Variants in NAV2 observed in about 807,000 individuals in gnomAD.
NAV2 encodes the protein neuron navigator 2.
NAV2 carries 54 observed loss-of-function variants against 223.2 expected under a neutral mutation model. The observed-to-expected ratio is 0.24, with a 90% CI of 0.19 to 0.30. The LOEUF is 0.30. Among genes scored for constraint, NAV2 ranks in the 10% least tolerant of loss-of-function variants. The pLI, the probability that NAV2 is intolerant of heterozygous loss-of-function variation, is 1.00. For missense variants in NAV2, 2,806 were observed against 3,147.5 expected (o/e 0.89, Z 2.60); for synonymous variants, 1,279 against 1,239.3 (o/e 1.03, Z -0.67).
At chr11:19,547,683 G>A (rs564450531) in intron 1 of NAV2, among the ~76,000 whole-genome samples, 2 of 152,196 alleles carry the variant, frequency 1.3e-5, no homozygotes, top group African/African-American at 4.8e-5. Flanking sequence ...TGAGAGCCCG[G>A]GGGACAAGTA....
chr11:19,750,069 C>T lies in NAV2; in HGVS notation c.267+36107C>T, dbSNP rs61349059. ...GCTTTGCAAAGTCAGTTCTCAATTC[C>T]ATAAAGTTCGGCATTACTTGATTTC... On this transcript the variant is annotated intron_variant, in intron 1 of 37. Transcript: ENST00000349880. Among the ~76,000 whole-genome samples, 543 of 152,328 alleles carry T rather than the reference C, an allele frequency of 3.6e-3. 6 individuals are homozygous for T. Among genetic ancestry groups the T allele is most frequent in the African/African-American group, 0.012 (506 of 41,572 alleles).
intron 5 of NAV2, among the ~76,000 whole-genome samples, chr11:19,888,338 A>G (rs1000690931): frequency 6.6e-6 from 1 of 152,134 alleles, no homozygotes; most frequent in African/African-American, 2.4e-5. Context: ...TCAGTGAGGC[A>G]GGCCCAGTAG....
chr11:19,521,178 A>T (rs2043642461), intron 1 of NAV2, among the ~76,000 whole-genome samples: 1 of 151,946 alleles, frequency 6.6e-6, no homozygotes, highest in African/African-American at 2.4e-5. Flanking sequence ...CACTTGGGTC[A>T]TTCATAGTGG....
intron 1 of NAV2, among the ~76,000 whole-genome samples, chr11:19,724,788 C>T (rs1412606307): frequency 6.6e-6 from 1 of 152,210 alleles, no homozygotes; most frequent in Non-Finnish European, 1.5e-5. Context: ...AATTTCAAGT[C>T]CATGTTCTTT....
At chr11:19,697,604 G>A (rs778094474) in intron 1 of NAV2, among the ~76,000 whole-genome samples, 17 of 152,048 alleles carry the variant, frequency 1.1e-4, no homozygotes, top group Non-Finnish European at 1.9e-4. Context: ...AAAAACTAGG[G>A]AGGGAGGCAA....
At chr11:20,031,712 T>C (rs1189436589) in intron 11 of NAV2, among the ~76,000 whole-genome samples, 1 of 150,226 alleles carries the variant, frequency 6.7e-6, no homozygotes, top group Non-Finnish European at 1.5e-5. Flanking sequence ...TAGGCTCTAT[T>C]GCATTTTTCT....
At chr11:19,490,536 C>T (rs1056943595) in intron 1 of NAV2, among the ~76,000 whole-genome samples, 1 of 152,214 alleles carries the variant, frequency 6.6e-6, no homozygotes, top group African/African-American at 2.4e-5. Flanking sequence ...AGCAACTTCT[C>T]ATTCATTTAA....
At chr11:19,499,524 G>A (rs1242768990) in intron 1 of NAV2, among the ~76,000 whole-genome samples, 1 of 152,172 alleles carries the variant, frequency 6.6e-6, no homozygotes, top group Non-Finnish European at 1.5e-5. Context: ...AGTCAGTGAA[G>A]GAATGCCTTC....
At chr11:19,760,048 G>A (rs77717467) in intron 1 of NAV2, 7,565 of 153,580 alleles carry the variant, frequency 0.049, 398 homozygotes, top group African/African-American at 0.14. Context: ...TATTTTCTGA[G>A]AGAGGCAAAT....
At position 20,029,290 on chromosome 11, in the gene NAV2, A is replaced by G. The variant is rs74620430; in HGVS notation, c.2769-6669A>G. Among the ~76,000 whole-genome samples the G allele has an allele frequency of 2.0e-5, 3 of 152,170 alleles. No homozygotes were observed. In the East Asian group the frequency reaches 5.8e-4, roughly 29 times the overall value. ...TCTTGTCTGAACCCTCACGGGTGGT[A>G]GTTCTGTGGAAGCCTGGAGCAAAGG... is the stretch of plus-strand genomic sequence containing the variant. On this transcript the variant is annotated intron_variant, in intron 11 of 37. Transcript: ENST00000349880.
intron 34 of NAV2, among the ~76,000 whole-genome samples, chr11:20,104,034 G>A (rs900909697): frequency 7.9e-5 from 12 of 152,274 alleles, no homozygotes; most frequent in Admixed American, 2.6e-4. Flanking sequence ...GGGTCAAGGG[G>A]GCAGCTCTGG....
Position 19,499,173 on chromosome 11 carries a change from A to G in NAV2, c.75+148146A>G, listed in dbSNP as rs2403495. On this transcript the variant is annotated intron_variant, in intron 1 of 37. Transcript: ENST00000360655. The stretch of plus-strand genomic sequence containing the variant: ...CCTGTGTGGGCTGATTTACCCTGAA[A>G]TTCTAACCTCATCTAATTGGCCTAA... Among the ~76,000 whole-genome samples the G allele has an allele frequency of 7.0e-3, 1,066 of 152,334 alleles. 18 individuals are homozygous for G. The highest frequency in any genetic ancestry group is 0.024 in the African/African-American group (1,004 of 41,568).
intron 6 of NAV2, among the ~76,000 whole-genome samples, chr11:19,928,043 A>G (rs534547413): frequency 5.1e-4 from 77 of 152,338 alleles, no homozygotes; most frequent in African/African-American, 1.8e-3. Context: ...TTTTGAACCT[A>G]GTCCTTATTT....
intron 1 of NAV2, among the ~76,000 whole-genome samples, chr11:19,783,615 T>C (rs2056898544): frequency 6.6e-6 from 1 of 152,188 alleles, no homozygotes. Context: ...AACAGTGGCT[T>C]CATGCATAGA....
chr11:19,770,949 T>G (rs1461908276), intron 1 of NAV2, among the ~76,000 whole-genome samples: 1 of 152,206 alleles, frequency 6.6e-6, no homozygotes, highest in Non-Finnish European at 1.5e-5. Flanking sequence ...CCTGTATGCC[T>G]AGTATTTTTG....
chr11:19,399,561 A>G (rs187539567), intron 1 of NAV2, among the ~76,000 whole-genome samples: 8 of 152,210 alleles, frequency 5.3e-5, no homozygotes, highest in Non-Finnish European at 8.8e-5. Context: ...ACAGTGTGGG[A>G]GCAGTGGACA....
At chr11:20,075,255 G>A (rs1273761242) in intron 22 of NAV2, among the ~76,000 whole-genome samples, 5 of 147,484 alleles carry the variant, frequency 3.4e-5, no homozygotes, top group Admixed American at 6.8e-5. Context: ...GTCTCATCCC[G>A]CTCTGTTGCC....
chr11:19,903,635 G>A (rs1353891217), intron 6 of NAV2, among the ~76,000 whole-genome samples: 2 of 151,620 alleles, frequency 1.3e-5, no homozygotes, highest in Admixed American at 6.6e-5. Context: ...TACATAGCTT[G>A]GAAAAAGAAA....
chr11:19,603,762 A>G (rs1303004325), intron 1 of NAV2, among the ~76,000 whole-genome samples: 1 of 152,170 alleles, frequency 6.6e-6, no homozygotes, highest in African/African-American at 2.4e-5. Flanking sequence ...AAAGATGTAT[A>G]ACATTAACTG....
Sources: allele counts gnomAD v4.1 joint callset (sites outside exome capture counted in the v4.1 genomes callset), GRCh38; gene constraint gnomAD v4.1.1; transcripts MANE v1.5; gene names NCBI Gene and HGNC (gene_info 2026-07-23, HGNC 2026-07-21).